CDKAL1: variants seen among roughly 807,000 people sequenced by gnomAD.
The protein encoded by CDKAL1 is CDKAL1 threonylcarbamoyladenosine tRNA methylthiotransferase.
Under a neutral mutation model 68.2 loss-of-function variants are expected in CDKAL1, and 32 were observed. The observed-to-expected ratio is 0.47, with a 90% confidence interval of 0.35 to 0.63. The LOEUF (loss-of-function observed/expected upper bound fraction) is 0.63. CDKAL1 is among the 30% of genes least tolerant of loss of function. CDKAL1 has a pLI of 0.00. For synonymous variants in CDKAL1, 234 were observed against 244.3 expected, an observed-to-expected ratio of 0.96 and a Z score of 0.39; for missense variants, 606 against 696.7, an observed-to-expected ratio of 0.87 and a Z score of 1.47.
rs1764735369 is a variant in CDKAL1, at chr6:20,955,511, G to T, written c.835G>T (p.Val279Phe). The T allele has an allele frequency of 6.2e-7, 1 of 1,614,154 alleles. No individual in the cohort carries two copies. The highest frequency in any genetic ancestry group is 1.1e-5 in the South Asian group (1 of 91,084). Residue 279 changes from valine (V) to phenylalanine (F), a missense_variant, in exon 10 of 16, where the codon GTT becomes TTT. Transcript: ENST00000274695. ...TCTCCCCACACTCCTGTGGAAACTG[G>T]TTGAAGTGATTCCTGAGGGAGCAAT... ...TNLPTLLWKL[V>F]EVIPEGAMLR...
In CDKAL1 at chr6:20,710,921, G is replaced by A. The variant is rs9465870; in HGVS notation, c.372-28598G>A. On this transcript the variant is annotated intron_variant, in intron 5 of 15. Transcript: ENST00000274695. ...TGGTTCTGGTCCTACCTATTGACAT[G>A]ATTTCTAGTAAAACATTCAACCTCT... Among the ~76,000 whole-genome samples, 1,040 of 152,240 alleles carry A rather than the reference G, an allele frequency of 6.8e-3. 15 individuals carry two copies. The highest frequency in any genetic ancestry group is 0.023 in the African/African-American group (965 of 41,562).
intron 13 of CDKAL1, among the ~76,000 whole-genome samples, chr6:21,134,884 C>A (rs1341191946): frequency 6.6e-6 from 1 of 152,124 alleles, no homozygotes; most frequent in East Asian, 1.9e-4. Context: ...TCTCCCCTCT[C>A]TTATTTTAAA....
chr6:21,068,036 CTACCTGTTGGTT>C (rs1019829976), intron 12 of CDKAL1, among the ~76,000 whole-genome samples: 61 of 144,222 alleles, frequency 4.2e-4, no homozygotes, highest in South Asian at 6.8e-4. Flanking sequence ...TTTTGCCCAT[CTACCTGTTGGTT>C]TACCAGTTGG....
At chr6:20,677,022 A>T (rs1394746566) in intron 5 of CDKAL1, among the ~76,000 whole-genome samples, 13 of 152,080 alleles carry the variant, frequency 8.5e-5, no homozygotes, top group Admixed American at 8.5e-4. Flanking sequence ...ACTTTAAAAT[A>T]ATTTCTTCTG....
chr6:21,039,475 T>G (rs1316721032), intron 11 of CDKAL1, among the ~76,000 whole-genome samples: 1 of 152,194 alleles, frequency 6.6e-6, no homozygotes. Flanking sequence ...TAATGGAGAA[T>G]GGGCGAGCCA....
At chr6:20,702,792 G>A (rs1696874945) in intron 5 of CDKAL1, among the ~76,000 whole-genome samples, 1 of 152,176 alleles carries the variant, frequency 6.6e-6, no homozygotes, top group South Asian at 2.1e-4. Context: ...ACATTTGGAT[G>A]TGAAGGCAGG....
intron 4 of CDKAL1, among the ~76,000 whole-genome samples, chr6:20,589,546 A>G (rs1014360166): frequency 6.6e-6 from 1 of 152,212 alleles, no homozygotes; most frequent in Non-Finnish European, 1.5e-5. Flanking sequence ...ATTCTCAGGG[A>G]ACGTTCCAGG....
chr6:21,026,185 A>G (rs1246045639), intron 11 of CDKAL1, among the ~76,000 whole-genome samples: 1 of 152,040 alleles, frequency 6.6e-6, no homozygotes, highest in African/African-American at 2.4e-5. Context: ...AATATATGTA[A>G]TATTGTTGCT....
chr6:20,741,917 A>G (rs1353727549), intron 6 of CDKAL1, among the ~76,000 whole-genome samples: 1 of 151,690 alleles, frequency 6.6e-6, no homozygotes, highest in Non-Finnish European at 1.5e-5. Context: ...ACTAATTTAC[A>G]CTCCCACCAA....
chr6:20,790,910 A>G (rs1235900599), intron 8 of CDKAL1, among the ~76,000 whole-genome samples: 1 of 152,304 alleles, frequency 6.6e-6, no homozygotes. Flanking sequence ...TGAAGGCACC[A>G]TTCAAAGGTA....
chr6:20,764,731 T>G (rs1232070078), intron 7 of CDKAL1, among the ~76,000 whole-genome samples: 1 of 152,188 alleles, frequency 6.6e-6, no homozygotes, highest in Non-Finnish European at 1.5e-5. Flanking sequence ...AGCTTAGATA[T>G]GTAGCATGGT....
At chr6:20,877,665 C>G (rs1008039237) in intron 9 of CDKAL1, among the ~76,000 whole-genome samples, 1 of 152,224 alleles carries the variant, frequency 6.6e-6, no homozygotes, top group Non-Finnish European at 1.5e-5. Flanking sequence ...TCATTTCTTA[C>G]TCTTACTCAT....
intron 9 of CDKAL1, among the ~76,000 whole-genome samples, chr6:20,933,072 G>A (rs1273765512): frequency 2.6e-5 from 4 of 152,076 alleles, no homozygotes; most frequent in Admixed American, 2.0e-4. Flanking sequence ...GTCTTCCCAA[G>A]GAGAGAAAAA....
rs561531341 is a variant in CDKAL1 at position 20,554,872 on chromosome 6, C to T, written c.286+6167C>T. 4.6e-5 allele frequency among the ~76,000 whole-genome samples: 7 copies of T among 152,178 alleles called. No homozygotes were observed. In the East Asian group the frequency reaches 1.3e-3, roughly 29 times the overall value. Reference sequence around the variant, plus strand: ...TGGTTAGTTGGAAAAAAAAGTCCATCCAAAGACCATTGACTGAGGCTGTGG... The same window carrying T: ...TGGTTAGTTGGAAAAAAAAGTCCATTCAAAGACCATTGACTGAGGCTGTGG... On this transcript the variant is annotated intron_variant, in intron 4 of 15. Coordinates refer to ENST00000274695, the MANE Select transcript of CDKAL1 (RefSeq NM_017774.3).
At chr6:21,073,783 T>C (rs1319401830) in intron 12 of CDKAL1, among the ~76,000 whole-genome samples, 2 of 152,210 alleles carry the variant, frequency 1.3e-5, no homozygotes, top group Non-Finnish European at 2.9e-5. Context: ...AAATATATTT[T>C]TCCAGTCTAT....
intron 9 of CDKAL1, among the ~76,000 whole-genome samples, chr6:20,896,939 T>C (rs1397668741): frequency 1.3e-5 from 2 of 152,242 alleles, no homozygotes; most frequent in Admixed American, 1.3e-4. Context: ...AATTATTTTC[T>C]ACTTGGACCT....
intron 8 of CDKAL1, among the ~76,000 whole-genome samples, chr6:20,817,517 A>G (rs1308829553): frequency 6.6e-6 from 1 of 152,198 alleles, no homozygotes; most frequent in Non-Finnish European, 1.5e-5. Context: ...ATGAAAGCAT[A>G]AAGACTATTA....
At chr6:21,133,740 T>C (rs568634174) in intron 13 of CDKAL1, among the ~76,000 whole-genome samples, 1 of 152,320 alleles carries the variant, frequency 6.6e-6, no homozygotes, top group East Asian at 1.9e-4. Context: ...CTTTATATAG[T>C]AAAACATAAA....
At chr6:20,854,337 A>G (rs1759209067) in intron 9 of CDKAL1, among the ~76,000 whole-genome samples, 2 of 152,230 alleles carry the variant, frequency 1.3e-5, no homozygotes, top group Admixed American at 1.3e-4. Context: ...TGTTATGCCG[A>G]AGTCTCTGAA....
Sources: gnomAD v4.1 joint callset for allele counts (sites outside exome capture counted in the v4.1 genomes callset) on GRCh38, gnomAD v4.1.1 for gene constraint, MANE v1.5 for transcripts, NCBI Gene and HGNC (gene_info 2026-07-23, HGNC 2026-07-21) for gene names.